PTK2: variants seen among roughly 807,000 people sequenced by gnomAD.
PTK2 encodes protein tyrosine kinase 2.
Under a neutral mutation model 150.1 loss-of-function variants are expected in PTK2, and 45 were observed. The ratio of observed to expected loss-of-function variants is 0.30; its 90% CI spans 0.24 to 0.38. The LOEUF (loss-of-function observed/expected upper bound fraction) is 0.38, where lower values mean the gene tolerates loss of function less well. Ranked by LOEUF, PTK2 falls within the 10% of genes least tolerant of loss-of-function variation. The pLI, the probability that PTK2 is intolerant of heterozygous loss-of-function variation, is 1.00. For synonymous variants in PTK2, 432 were observed against 449.2 expected (o/e 0.96, Z 0.48); for missense variants, 919 against 1,307.3 (o/e 0.70, Z 4.58).
intron 14 of PTK2, among the ~76,000 whole-genome samples, 176 bp downstream of exon 16, chr8:140,769,399 T>C (rs2100074297): frequency 6.6e-6 from 1 of 152,212 alleles, no homozygotes; most frequent in African/African-American, 2.4e-5. Flanking sequence ...AAGAAATTGA[T>C]AGTTATCCTT....
rs558901122 is a variant in PTK2, at chr8:140,961,617, G to A, written c.-121-35868C>T. On this transcript the variant is annotated intron_variant, in intron 1 of 31. Coordinates refer to ENST00000522684, the Ensembl canonical transcript of PTK2. Reference sequence around the variant, plus strand: ...GTGGAGGTTGCAGTGAGCCAAGGTCGCGCCACTGGTCTCCAGCCTGAGCGA... The same window carrying A: ...GTGGAGGTTGCAGTGAGCCAAGGTCACGCCACTGGTCTCCAGCCTGAGCGA... Among the ~76,000 whole-genome samples the A allele has an allele frequency of 8.6e-5, 13 of 151,192 alleles. No homozygotes were observed. The East Asian group carries it at 1.2e-3, about 14-fold the overall frequency.
At chr8:140,801,952 C>T (rs774403171) in intron 11 of PTK2, among the ~76,000 whole-genome samples, 11 of 151,984 alleles carry the variant, frequency 7.2e-5, no homozygotes, top group Non-Finnish European at 1.0e-4. Context: ...TAAAAAAAAT[C>T]TACTGTGCTG....
chr8:140,933,631 G>C (rs1302788085), intron 1 of PTK2, among the ~76,000 whole-genome samples: 1 of 152,232 alleles, frequency 6.6e-6, no homozygotes, highest in Non-Finnish European at 1.5e-5. Context: ...ATTATGCCAA[G>C]TGTTAGAAGC....
In PTK2 at chr8:140,700,874, T is replaced by C; in HGVS notation, c.2499+17A>G. On this transcript the variant is annotated intron_variant, in intron 26 of 31. Coordinates refer to ENST00000522684, the Ensembl canonical transcript of PTK2. ...AGGGCTTAAAAAGTCAAAGAAGCCT[T>C]TCAGAAACACAATTACCAGAAATCT... 1 of 1,613,156 alleles carries C rather than the reference T, an allele frequency of 6.2e-7. No homozygotes were observed. The highest frequency in any genetic ancestry group is 1.7e-5 in the Admixed American group (1 of 59,940).
intron 23 of PTK2, among the ~76,000 whole-genome samples, chr8:140,712,921 T>C (rs1208284293): frequency 2.0e-5 from 3 of 152,196 alleles, no homozygotes; most frequent in African/African-American, 7.2e-5. Flanking sequence ...CTACCAAATA[T>C]GCAACTCTGA....
chr8:140,691,813 A>C (rs2100023370), intron 26 of PTK2, among the ~76,000 whole-genome samples: 1 of 152,240 alleles, frequency 6.6e-6, no homozygotes, highest in Non-Finnish European at 1.5e-5. Flanking sequence ...TGTGTAGTAA[A>C]TATTTGCTGA....
chr8:140,746,625 C>A, intron 18 of PTK2, 135 bp downstream of exon 21: 1 of 615,610 alleles, frequency 1.6e-6, no homozygotes, highest in Non-Finnish European at 2.7e-6. Context: ...ATTCTCTGAA[C>A]CAAAACCATA....
chr8:140,728,145 G>A (rs548674829), intron 22 of PTK2, among the ~76,000 whole-genome samples: 6 of 46 alleles, frequency 0.13, no homozygotes, highest in East Asian at 0.5. Flanking sequence ...GTTGCAGTGA[G>A]CAGAAGACTG....
chr8:140,875,453 G>A (rs1379389790), intron 4 of PTK2, among the ~76,000 whole-genome samples: 2 of 152,114 alleles, frequency 1.3e-5, no homozygotes, highest in African/African-American at 4.8e-5. Context: ...GAAATCAAAA[G>A]GACTGATGTC....
At chr8:140,790,065 C>G (rs1191416933) in intron 13 of PTK2, among the ~76,000 whole-genome samples, 1 of 146,010 alleles carries the variant, frequency 6.8e-6, no homozygotes, top group Admixed American at 6.7e-5. Flanking sequence ...CATGGTTTAA[C>G]ACTAGTTTTA....
At chr8:140,879,532 C>T (rs1314361592) in exon 4 of PTK2, 1 of 1,613,906 alleles carries the variant, frequency 6.2e-7, no homozygotes, top group Admixed American at 1.7e-5. Flanking sequence ...ACGCCCATAT[C>T]CACGTGAAGC....
chr8:140,910,553 T>C (rs1166866056), intron 2 of PTK2, among the ~76,000 whole-genome samples: 3 of 152,174 alleles, frequency 2.0e-5, no homozygotes, highest in Non-Finnish European at 4.4e-5. Flanking sequence ...CCCTTGAAAG[T>C]GACTGCTATA....
intron 14 of PTK2, among the ~76,000 whole-genome samples, chr8:140,779,217 C>T (rs995364860): frequency 6.7e-6 from 1 of 149,416 alleles, no homozygotes; most frequent in African/African-American, 2.5e-5. Flanking sequence ...AGCCGAAATC[C>T]CACCACTGCA....
chr8:140,911,060 T>C (rs1253899453), intron 2 of PTK2, among the ~76,000 whole-genome samples: 4 of 151,814 alleles, frequency 2.6e-5, no homozygotes, highest in Non-Finnish European at 5.9e-5. Flanking sequence ...TTTTTTTTTT[T>C]TTGTATTTTT....
At chr8:140,935,786 T>C (rs138477079) in intron 1 of PTK2, among the ~76,000 whole-genome samples, 5,648 of 146,982 alleles carry the variant, frequency 0.038, 257 homozygotes, top group African/African-American at 0.11. Context: ...CTCTCCTGCC[T>C]CAGGCTCCTG....
At chr8:140,668,837 C>T in intron 29 of PTK2, 1 of 161,364 alleles carries the variant, frequency 6.2e-6, no homozygotes. Context: ...ATAAGGATTT[C>T]CACTTAGTTT....
At chr8:140,839,926 A>G (rs1204387438) in intron 7 of PTK2, among the ~76,000 whole-genome samples, 3 of 152,246 alleles carry the variant, frequency 2.0e-5, no homozygotes, top group Admixed American at 1.3e-4. Context: ...CTTAAAAGAA[A>G]GAGCAACCAT....
At chr8:140,946,656 A>T (rs571522403) in intron 1 of PTK2, among the ~76,000 whole-genome samples, 5 of 152,210 alleles carry the variant, frequency 3.3e-5, no homozygotes, top group Non-Finnish European at 7.3e-5. Flanking sequence ...TCACTTTTGC[A>T]GTGAGGCTTA....
At chr8:140,867,984 G>A (rs2100140339) in intron 4 of PTK2, among the ~76,000 whole-genome samples, 1 of 152,144 alleles carries the variant, frequency 6.6e-6, no homozygotes, top group East Asian at 1.9e-4. Context: ...CCACTTCCCT[G>A]CTATACGCCT....
Sources: allele counts gnomAD v4.1 joint callset (sites outside exome capture counted in the v4.1 genomes callset), GRCh38; gene constraint gnomAD v4.1.1; transcripts MANE v1.5; gene names NCBI Gene and HGNC (gene_info 2026-07-23, HGNC 2026-07-21).